Variants in MAST4 observed in about 807,000 individuals in gnomAD.
The protein encoded by MAST4 is microtubule-associated serine/threonine-protein kinase 4.
Under a neutral mutation model 162.7 loss-of-function variants are expected in MAST4, and 89 were observed. The ratio of observed to expected loss-of-function variants is 0.55; its 90% CI spans 0.46 to 0.65. MAST4 has a LOEUF of 0.65. Ranked by LOEUF, MAST4 falls within the 30% of genes least tolerant of loss-of-function variation. The probability of loss-of-function intolerance (pLI) is 0.00; values close to 1 mark genes in which losing one functional copy is unlikely to be tolerated. For missense variants in MAST4, 3,153 were observed against 3,374.0 expected (o/e 0.93, Z 1.62); for synonymous variants, 1,479 against 1,361.1 (o/e 1.09, Z -1.91).
intron 1 of MAST4, among the ~76,000 whole-genome samples, chr5:66,755,028 G>T (rs1753442801): frequency 6.6e-6 from 1 of 152,132 alleles, no homozygotes; most frequent in African/African-American, 2.4e-5. Flanking sequence ...TAGAGAGAAG[G>T]ACTCCAGCTG....
At chr5:66,859,962 C>G (rs1759978269) in intron 3 of MAST4, among the ~76,000 whole-genome samples, 1 of 152,200 alleles carries the variant, frequency 6.6e-6, no homozygotes. Context: ...CCCAAAACAT[C>G]TCAGCATACT....
Position 66,596,693 on chromosome 5 carries a change from C to T in MAST4, c.38C>T (p.Pro13Leu), listed in dbSNP as rs1742197109. The change falls in exon 1 of 29, where the codon CCC becomes CTC. Residue 13 changes from proline (P) to leucine (L), a missense_variant. Physicochemically the swap from Pro to Leu is moderately conservative, Grantham distance 98. Coordinates refer to ENST00000403625, the MANE Select transcript of MAST4 (RefSeq NM_001164664.2). The part of the protein sequence containing the change: ...EKVSEAPEPV[P>L]RGCSGHGSRT... ...GTTTCGGAGGCGCCAGAGCCGGTGCCCCGCGGCTGCAGTGGCCACGGCAGC... is the reference window on the plus strand; with the variant it reads ...GTTTCGGAGGCGCCAGAGCCGGTGCTCCGCGGCTGCAGTGGCCACGGCAGC... 6.8e-7 allele frequency: 1 copy of T among 1,472,616 alleles called. No homozygotes were observed. Among genetic ancestry groups the T allele is most frequent in the South Asian group, 1.4e-5 (1 of 72,274 alleles). 91.2% of individuals were successfully genotyped at this position (1,472,616 alleles called of 1,614,324 possible).
At chr5:67,102,392 A>C in intron 8 of MAST4, 144 bp from the exon 9 acceptor site, 1 of 747,026 alleles carries the variant, frequency 1.3e-6, no homozygotes, top group Non-Finnish European at 2.4e-6. Flanking sequence ...TGTACTAATG[A>C]CTGATTTTGT....
At chr5:66,644,735 A>G (rs1325223521) in intron 1 of MAST4, among the ~76,000 whole-genome samples, 1 of 149,700 alleles carries the variant, frequency 6.7e-6, no homozygotes, top group Non-Finnish European at 1.5e-5. Flanking sequence ...TTGGACAGCT[A>G]CATTTGAAGT....
chr5:66,835,987 T>C (rs1452505856), intron 3 of MAST4, among the ~76,000 whole-genome samples: 1 of 151,966 alleles, frequency 6.6e-6, no homozygotes, highest in Non-Finnish European at 1.5e-5. Flanking sequence ...CTGAGCAACA[T>C]AGTGAAAACT....
rs937198846 is a variant in MAST4 at position 66,927,731 on chromosome 5, G to T, written c.674+27749G>T. Among the ~76,000 whole-genome samples the T allele has an allele frequency of 2.0e-5, 3 of 152,214 alleles. 1 individual carries two copies. The South Asian group carries it at 6.2e-4, about 31-fold the overall frequency. On this transcript the variant is annotated intron_variant, in intron 4 of 28. Coordinates refer to ENST00000403625, the MANE Select transcript of MAST4 (RefSeq NM_001164664.2). ...CTTGAAGATGCGCCATCTGCCTCAT[G>T]TATCAGTTTCCTAGGGTTGCCATGA...
chr5:66,635,240 A>C (rs1042086196), intron 1 of MAST4, among the ~76,000 whole-genome samples: 4 of 152,008 alleles, frequency 2.6e-5, no homozygotes, highest in Non-Finnish European at 5.9e-5. Flanking sequence ...CCAGAGTGAA[A>C]GAGCTCTGGG....
At chr5:67,045,427 T>C (rs1270855835) in intron 4 of MAST4, among the ~76,000 whole-genome samples, 1 of 152,214 alleles carries the variant, frequency 6.6e-6, no homozygotes, top group African/African-American at 2.4e-5. Flanking sequence ...TATGCTGATA[T>C]GTCTAACTTT....
At chr5:67,068,163 C>G (rs1277591945) in intron 5 of MAST4, among the ~76,000 whole-genome samples, 6 of 152,174 alleles carry the variant, frequency 3.9e-5, no homozygotes, top group Non-Finnish European at 7.4e-5. Flanking sequence ...ATTCACTCTT[C>G]TCTCTGGGTC....
At chr5:66,985,622 T>C (rs1222134379) in intron 4 of MAST4, among the ~76,000 whole-genome samples, 4 of 152,142 alleles carry the variant, frequency 2.6e-5, no homozygotes, top group Non-Finnish European at 4.4e-5. Flanking sequence ...CTTGTGTGTG[T>C]CTGTATAGCT....
At position 66,813,868 on chromosome 5, in the gene MAST4, A is replaced by G. The variant is rs534126899; in HGVS notation, c.642+25074A>G. The stretch of plus-strand genomic sequence containing the variant: ...TCTAGTAGTTTGATGGGGAGACAAA[A>G]TAAGAATTGCATGCTGCACTCTTAC... On this transcript the variant is annotated intron_variant, in intron 3 of 28. Coordinates refer to ENST00000403625, the MANE Select transcript of MAST4 (RefSeq NM_001164664.2). 4.6e-5 allele frequency among the ~76,000 whole-genome samples: 7 copies of G among 152,370 alleles called. No homozygotes were observed. The East Asian group carries it at 1.2e-3, about 25-fold the overall frequency.
At chr5:67,084,919 G>T (rs773905025) in intron 5 of MAST4, among the ~76,000 whole-genome samples, 34 of 151,982 alleles carry the variant, frequency 2.2e-4, no homozygotes, top group Non-Finnish European at 3.5e-4. Flanking sequence ...AATTGTAACG[G>T]GATTCTTAAA....
chr5:67,145,703 T>C (rs559943776), intron 23 of MAST4, among the ~76,000 whole-genome samples: 4 of 152,228 alleles, frequency 2.6e-5, no homozygotes, highest in Non-Finnish European at 5.9e-5. Flanking sequence ...TTCTCAGTTG[T>C]TGATGCAAAG....
chr5:67,038,520 A>C (rs1311892076), intron 4 of MAST4, among the ~76,000 whole-genome samples: 1 of 152,212 alleles, frequency 6.6e-6, no homozygotes, highest in Non-Finnish European at 1.5e-5. Context: ...CAGAAAAACA[A>C]GTTACCTTAA....
intron 4 of MAST4, among the ~76,000 whole-genome samples, chr5:66,998,262 C>A (rs1750898327): frequency 6.6e-6 from 1 of 152,188 alleles, no homozygotes. Context: ...ACCTTAGACC[C>A]AAGTTTCTGG....
At position 67,167,162 on chromosome 5, in the gene MAST4, G is replaced by C. The variant is rs1449949811; in HGVS notation, c.*111G>C. The stretch of plus-strand genomic sequence containing the variant: ...GGGAATGTCCGCCAGGCAGAGCTCG[G>C]AGCCTCATTGAGACAGGGGAGAGAG... On this transcript the variant is annotated 3_prime_UTR_variant, in exon 29 of 29. Transcript: ENST00000403625. The C allele has an allele frequency of 2.2e-6, 2 of 891,642 alleles. No homozygotes were observed. Among genetic ancestry groups the C allele is most frequent in the Non-Finnish European group, 3.2e-6 (2 of 634,754 alleles). 55.2% of individuals were successfully genotyped at this position (891,642 alleles called of 1,614,324 possible).
At chr5:66,758,143 T>C (rs1753657080) in intron 1 of MAST4, among the ~76,000 whole-genome samples, 2 of 151,922 alleles carry the variant, frequency 1.3e-5, no homozygotes, top group Non-Finnish European at 2.9e-5. Flanking sequence ...GATGGGCTGC[T>C]AGTTCTTCAA....
intron 4 of MAST4, among the ~76,000 whole-genome samples, chr5:66,951,596 ATATGTGTGTGTGTGTGTGTGTG>A: frequency 8.7e-6 from 1 of 114,892 alleles, no homozygotes; most frequent in East Asian, 2.6e-4. Flanking sequence ...GCCTCCCATG[ATATGTGTGTGTGTGTGTGTGTG>A]TGTGTGTGTG....
chr5:66,731,380 C>G (rs1018332234), intron 1 of MAST4, among the ~76,000 whole-genome samples: 2 of 152,082 alleles, frequency 1.3e-5, no homozygotes, highest in East Asian at 1.9e-4. Flanking sequence ...GGAGTTTGCT[C>G]GATTCTAGGT....
Sources: allele counts gnomAD v4.1 joint callset (sites outside exome capture counted in the v4.1 genomes callset), GRCh38; gene constraint gnomAD v4.1.1; transcripts MANE v1.5; gene names NCBI Gene and HGNC (gene_info 2026-07-23, HGNC 2026-07-21).